The following ESYT1 variants were observed in gnomAD, a reference collection of about 807,000 sequenced individuals.
ESYT1 encodes extended synaptotagmin-1.
A neutral mutation model predicts 154.2 loss-of-function variants in ESYT1; 116 were observed. The observed-to-expected ratio is 0.75, with a 90% CI of 0.65 to 0.88. The LOEUF (loss-of-function observed/expected upper bound fraction) is 0.88. Ranked by LOEUF, ESYT1 falls within the 40% of genes least tolerant of loss-of-function variation. The probability of loss-of-function intolerance (pLI) is 0.00; values close to 1 mark genes in which losing one functional copy is unlikely to be tolerated. For missense variants in ESYT1, 1,264 were observed against 1,379.3 expected (o/e 0.92, Z 1.32); for synonymous variants, 500 against 539.9 (o/e 0.93, Z 1.02).
rs1870751913 is a variant in ESYT1 at position 56,142,674 on chromosome 12, C to A, written c.2830C>A (p.Pro944Thr). Residue 944 changes from proline (P) to threonine (T), a missense_variant, in exon 26 of 31, where the codon CCC becomes ACC. Pro to Thr is a conservative substitution (Grantham distance 38). Coordinates refer to ENST00000394048, the MANE Select transcript of ESYT1 (RefSeq NM_015292.3). The surrounding 1 kb of genome is among the most constrained non-coding windows in gnomAD (Gnocchi z 4.1). ...LSEEPELSGG[P>T]PHITSSAPEL... ...TGAAGAACCAGAGCTCTCGGGGGGA[C>A]CCCCTCACATCACCTCCTCAGCCCC... 1 of 1,614,068 alleles carries A rather than the reference C, an allele frequency of 6.2e-7. No homozygotes were observed. The highest frequency in any genetic ancestry group is 8.5e-7 in the Non-Finnish European group (1 of 1,180,036).
chr12:56,135,888 C>CAA (rs1187347983), intron 15 of ESYT1, among the ~76,000 whole-genome samples: 3 of 104,490 alleles, frequency 2.9e-5, no homozygotes, highest in Non-Finnish European at 2.0e-5. Flanking sequence ...GACTCCGTCT[C>CAA]AAAAAAAAAA....
At position 56,134,121 on chromosome 12, in the gene ESYT1, G is replaced by T; in HGVS notation, c.1485G>T (p.Gly495=). 1 of 1,614,118 alleles carries T rather than the reference G, an allele frequency of 6.2e-7. No homozygotes were observed. Among genetic ancestry groups the T allele is most frequent in the Non-Finnish European group, 8.5e-7 (1 of 1,180,006 alleles). ...DRAQDLPLKK[G]NKEPNPMVQL... ...TGTACCCACCACAGCTGAAGAAGGG[G>T]AACAAGGAACCCAACCCTATGGTAC... Residue 495 remains glycine (G), a synonymous_variant, in exon 14 of 31, where the codon GGG becomes GGT. Transcript: ENST00000394048.
intron 6 of ESYT1, 40 bp from the exon 7 acceptor site, chr12:56,131,709 C>G (rs1209502290): frequency 1.2e-6 from 2 of 1,612,980 alleles, no homozygotes; most frequent in Admixed American, 3.3e-5. Flanking sequence ...TATGACCACA[C>G]CCCATAGGAT....
At chr12:56,138,740 T>A (rs1468424132) in intron 22 of ESYT1, 28 bp from the exon 23 acceptor site, 1 of 1,608,526 alleles carries the variant, frequency 6.2e-7, no homozygotes, top group African/African-American at 1.3e-5. Context: ...GGTCCAAATT[T>A]AAGACTAACA....
At chr12:56,133,523 T>A in intron 11 of ESYT1, 58 bp downstream of exon 11, 1 of 1,613,534 alleles carries the variant, frequency 6.2e-7, no homozygotes. Context: ...AGATAGTAGT[T>A]GCTACATTGG....
chr12:56,140,724 A>T (rs1421318826), intron 24 of ESYT1, among the ~76,000 whole-genome samples: 1 of 152,206 alleles, frequency 6.6e-6, no homozygotes, highest in African/African-American at 2.4e-5. Flanking sequence ...TCATAGGGAT[A>T]AGAGGGTAAA....
At position 56,142,174 on chromosome 12, in the gene ESYT1, G is replaced by A. The variant is rs1870726848; in HGVS notation, c.2593-111G>A. On this transcript the variant is annotated intron_variant, in intron 24 of 30. Coordinates refer to ENST00000394048, the MANE Select transcript of ESYT1 (RefSeq NM_015292.3). This position sits in a 1 kb window ranked among gnomAD's most constrained non-coding sequence, Gnocchi z 4.1. ...CATGGCTTCCCTGCCTTTCTCAAAGGGAAATCTCACCAAACCACCTATGAG... is the reference window on the plus strand; with the variant it reads ...CATGGCTTCCCTGCCTTTCTCAAAGAGAAATCTCACCAAACCACCTATGAG... 3 of 1,286,914 alleles carry A rather than the reference G, an allele frequency of 2.3e-6. No individual in the cohort carries two copies. Among genetic ancestry groups the A allele is most frequent in the Non-Finnish European group, 3.2e-6 (3 of 927,762 alleles). 79.7% of individuals were successfully genotyped at this position (1,286,914 alleles called of 1,614,324 possible). A position where few individuals can be genotyped will look rare whatever the true frequency, so the allele number is the denominator to read the frequency against.
chr12:56,134,252 C>T (rs1440306326), intron 14 of ESYT1, 71 bp downstream of exon 14: 1 of 1,599,776 alleles, frequency 6.3e-7, no homozygotes, highest in African/African-American at 1.3e-5. Context: ...ATGGTTTCCC[C>T]TTTAGAATGC....
chr12:56,132,807 ACT>A lies in ESYT1; in HGVS notation c.1244+9_1244+10del, dbSNP rs1870294971. ...AAAGATGACTTTCTGGGCAGGTGAG[ACT>A]CTGCCTGTTAGGATTCTAAAGCCCA... On this transcript the variant is annotated splice_region_variant and intron_variant, in intron 10 of 30. Transcript: ENST00000394048. 6.2e-7 allele frequency: 1 copy of A among 1,612,298 alleles called. No individual in the cohort carries two copies.
intron 10 of ESYT1, 117 bp from the exon 11 acceptor site, chr12:56,133,300 G>A: frequency 9.5e-7 from 1 of 1,051,632 alleles, no homozygotes; most frequent in Non-Finnish European, 1.5e-6. Flanking sequence ...GAGGAATAAG[G>A]GAGTCTGAGA....
Position 56,138,406 on chromosome 12 carries a change from G to A in ESYT1, c.2340G>A (p.Val780=). The A allele has an allele frequency of 6.2e-7, 1 of 1,613,572 alleles. No individual in the cohort carries two copies. Among genetic ancestry groups the A allele is most frequent in the Non-Finnish European group, 8.5e-7 (1 of 1,179,786 alleles). Residue 780 remains valine, a splice_region_variant and synonymous_variant, in exon 22 of 31, where the codon GTG becomes GTA. Coordinates refer to ENST00000394048, the MANE Select transcript of ESYT1 (RefSeq NM_015292.3). The stretch of plus-strand genomic sequence containing the variant: ...CAGCCCCGTGTGCCCCTCCACAGGT[G>A]CTGCAGGTGAATAGTTTGATCCAGA... ...PRPTAAELEE[V]LQVNSLIQTQ...
chr12:56,129,526 C>T (rs1870144744), intron 1 of ESYT1: 1 of 152,462 alleles, frequency 6.6e-6, no homozygotes, highest in East Asian at 1.9e-4. Context: ...AGGTGCCAGT[C>T]TAGGGGGAGA....
chr12:56,142,373 G>C lies in ESYT1; in HGVS notation c.2681G>C (p.Trp894Ser). Reference sequence around the variant, plus strand: ...GCTGACCAGCTCTGCTTGGACCGCTGGTTTACACTCAGCAGTGGTCAGGGG... The same window carrying C: ...GCTGACCAGCTCTGCTTGGACCGCTCGTTTACACTCAGCAGTGGTCAGGGG... ...LVADQLCLDR[W>S]FTLSSGQGQV... is the part of the protein sequence containing the mutation. Residue 894 changes from tryptophan (W) to serine (S), a missense_variant, in exon 25 of 31, where the codon TGG (tryptophan) becomes TCG (serine). By Grantham distance (177) the Trp-to-Ser change is radical. Coordinates refer to ENST00000394048, the MANE Select transcript of ESYT1 (RefSeq NM_015292.3). The surrounding 1 kb of genome is among the most constrained non-coding windows in gnomAD (Gnocchi z 4.1). The C allele has an allele frequency of 6.2e-7, 1 of 1,614,104 alleles. No individual in the cohort carries two copies. The highest frequency in any genetic ancestry group is 8.5e-7 in the Non-Finnish European group (1 of 1,180,030).
rs200984114 is a variant in ESYT1, at chr12:56,138,409, G to A, written c.2343G>A (p.Leu781=). The A allele has an allele frequency of 1.2e-6, 2 of 1,613,656 alleles. No individual in the cohort carries two copies. The highest frequency in any genetic ancestry group is 1.7e-5 in the Admixed American group (1 of 59,938). The change falls in exon 22 of 31, where the codon CTG becomes CTA. Residue 781 remains leucine, a synonymous_variant. Transcript: ENST00000394048. Reference sequence around the variant, plus strand: ...CCCCGTGTGCCCCTCCACAGGTGCTGCAGGTGAATAGTTTGATCCAGACTC... The same window carrying A: ...CCCCGTGTGCCCCTCCACAGGTGCTACAGGTGAATAGTTTGATCCAGACTC... ...RPTAAELEEV[L]QVNSLIQTQK...
In ESYT1 at chr12:56,143,900, G is replaced by A. The variant is rs371052067; in HGVS notation, c.*38G>A. The A allele has an allele frequency of 2.5e-5, 40 of 1,613,006 alleles. No individual in the cohort carries two copies. Among genetic ancestry groups the A allele is most frequent in the Non-Finnish European group, 3.4e-5 (40 of 1,179,840 alleles). Reference sequence around the variant, plus strand: ...CCCAGCCTGACTGCTCTGTCTTCCTGCCTTCGTCTCGCTCCATCACCGCCT... The same window carrying A: ...CCCAGCCTGACTGCTCTGTCTTCCTACCTTCGTCTCGCTCCATCACCGCCT... On this transcript the variant is annotated 3_prime_UTR_variant, in exon 31 of 31. Coordinates refer to ENST00000394048, the MANE Select transcript of ESYT1 (RefSeq NM_015292.3).
intron 19 of ESYT1, 23 bp from the exon 20 acceptor site, chr12:56,138,003 G>C: frequency 6.2e-7 from 1 of 1,614,144 alleles, no homozygotes. Context: ...TCTAGCTTTT[G>C]TCTTAATCTT....
At chr12:56,133,979 G>C in intron 13 of ESYT1, 106 bp downstream of exon 13, 4 of 1,525,260 alleles carry the variant, frequency 2.6e-6, no homozygotes, top group Non-Finnish European at 3.6e-6. Flanking sequence ...GTATCAGCAT[G>C]TAACATAAGG....
In ESYT1 at chr12:56,128,692, C is replaced by A; in HGVS notation, c.373C>A (p.Arg125=). The A allele has an allele frequency of 1.9e-6, 3 of 1,613,846 alleles. No homozygotes were observed. Among genetic ancestry groups the A allele is most frequent in the Non-Finnish European group, 2.5e-6 (3 of 1,180,036 alleles). ...LTAKTLYMSH[R]ELPAWVSFPD... Reference sequence around the variant, plus strand: ...TGCGAAAACTCTCTATATGAGTCATCGAGAGCTACCTGCCTGGGTGAGCGA... The same window carrying A: ...TGCGAAAACTCTCTATATGAGTCATAGAGAGCTACCTGCCTGGGTGAGCGA... Residue 125 remains arginine (R), a synonymous_variant, in exon 1 of 31, where the codon CGA becomes AGA. Transcript: ENST00000394048.
intron 24 of ESYT1, among the ~76,000 whole-genome samples, chr12:56,141,129 G>A (rs1870668868): frequency 6.6e-6 from 1 of 152,156 alleles, no homozygotes; most frequent in Admixed American, 6.5e-5. Context: ...TGGAGAGTGA[G>A]GAGACAAAAG....
Sources: allele counts gnomAD v4.1 joint callset (sites outside exome capture counted in the v4.1 genomes callset), GRCh38; gene constraint gnomAD v4.1.1; non-coding constraint Gnocchi (gnomAD v3.1); transcripts MANE v1.5; gene names NCBI Gene and HGNC (gene_info 2026-07-23, HGNC 2026-07-21).